The following SPIRE2 variants were observed in gnomAD, a reference collection of about 807,000 sequenced individuals.
SPIRE2 encodes the protein protein spire homolog 2.
A neutral mutation model predicts 80.7 loss-of-function variants in SPIRE2; 76 were observed. The observed-to-expected ratio is 0.94, with a 90% CI of 0.78 to 1.14. SPIRE2 has a LOEUF of 1.14. Among genes scored for constraint, SPIRE2 ranks in the 50% most tolerant of loss-of-function variants. The pLI, the probability that SPIRE2 is intolerant of heterozygous loss-of-function variation, is 0.00. For missense variants in SPIRE2, 1,196 were observed against 1,015.3 expected (o/e 1.18, Z -2.42); for synonymous variants, 535 against 432.6 (o/e 1.24, Z -2.94).
chr16:89,841,299 G>A (rs1567670739), intron 1 of SPIRE2, among the ~76,000 whole-genome samples: 3 of 152,198 alleles, frequency 2.0e-5, no homozygotes, highest in Admixed American at 1.3e-4. Context: ...GAAACGAGGG[G>A]TCCTGGTTCT....
rs766539766 is a variant in SPIRE2 at position 89,858,327 on chromosome 16, C to T, written c.1103-11C>T. The T allele has an allele frequency of 2.0e-5, 31 of 1,573,358 alleles. No individual in the cohort carries two copies. Among genetic ancestry groups the T allele is most frequent in the Middle Eastern group, 1.8e-4 (1 of 5,672 alleles). ...CACTGGCCCGTCCTGCCTCGGCTCCCGTCTCCCCAGGGTTTGGCTCTCTGC... is the reference window on the plus strand; with the variant it reads ...CACTGGCCCGTCCTGCCTCGGCTCCTGTCTCCCCAGGGTTTGGCTCTCTGC... On this transcript the variant is annotated splice_polypyrimidine_tract_variant and intron_variant, in intron 7 of 14. Coordinates refer to ENST00000378247, the MANE Select transcript of SPIRE2 (RefSeq NM_032451.2).
At chr16:89,869,995 G>C in intron 14 of SPIRE2, 55 bp from the exon 15 acceptor site, 1 of 1,486,876 alleles carries the variant, frequency 6.7e-7, no homozygotes, top group South Asian at 1.2e-5. Flanking sequence ...AGCAGGGAGG[G>C]GGGTGTGGCA....
chr16:89,855,520 G>C, intron 5 of SPIRE2, 80 bp from the exon 6 acceptor site: 4 of 1,291,832 alleles, frequency 3.1e-6, no homozygotes, highest in Non-Finnish European at 4.4e-6. Flanking sequence ...GGCTGTCCTT[G>C]GGCTGAGCAG....
At chr16:89,853,942 G>A (rs933338705) in intron 3 of SPIRE2, among the ~76,000 whole-genome samples, 6 of 152,226 alleles carry the variant, frequency 3.9e-5, no homozygotes, top group South Asian at 2.1e-4. Context: ...GCCACACTGC[G>A]CTGAGCCCCA....
chr16:89,869,029 C>CT (rs1479797153), intron 13 of SPIRE2, among the ~76,000 whole-genome samples: 2 of 15,734 alleles, frequency 1.3e-4, no homozygotes, highest in African/African-American at 6.2e-4. Context: ...AGATCTGTGT[C>CT]TTAAAAAAAA....
intron 1 of SPIRE2, among the ~76,000 whole-genome samples, 185 bp from the exon 2 acceptor site, chr16:89,845,137 C>T (rs1262737641): frequency 6.6e-6 from 1 of 152,196 alleles, no homozygotes; most frequent in Non-Finnish European, 1.5e-5. Flanking sequence ...TTAGAGCCAG[C>T]TCGAGCCGGG....
chr16:89,866,672 A>G (rs528994056), intron 12 of SPIRE2, among the ~76,000 whole-genome samples: 136 of 142,814 alleles, frequency 9.5e-4, no homozygotes, highest in African/African-American at 3.4e-3. Flanking sequence ...GCAGTGGCAC[A>G]ATCTCGGCTC....
chr16:89,869,498 C>T (rs1314663388), intron 13 of SPIRE2, 69 bp from the exon 14 acceptor site: 4 of 1,074,646 alleles, frequency 3.7e-6, no homozygotes, highest in South Asian at 1.3e-5. Flanking sequence ...GAGGGAGGTC[C>T]CCTAGCACTG....
Position 89,854,598 on chromosome 16 carries a change from G to C in SPIRE2, c.838G>C (p.Glu280Gln). The C allele has an allele frequency of 2.5e-6, 4 of 1,604,884 alleles. No individual in the cohort carries two copies. The highest frequency in any genetic ancestry group is 3.4e-6 in the Non-Finnish European group (4 of 1,175,264). ...LPTEFQLTPFEMLMQDIRARN... is the reference protein window; with the variant it reads ...LPTEFQLTPFQMLMQDIRARN... Reference sequence around the variant, plus strand: ...CACCGAGTTCCAGCTCACGCCCTTCGAGATGCTGATGCAGGACATCCGGGC... The same window carrying C: ...CACCGAGTTCCAGCTCACGCCCTTCCAGATGCTGATGCAGGACATCCGGGC... The change falls in exon 5 of 15, where the codon GAG becomes CAG. Residue 280 changes from glutamate to glutamine, a missense_variant. Coordinates refer to ENST00000378247, the MANE Select transcript of SPIRE2 (RefSeq NM_032451.2).
At chr16:89,830,518 G>C (rs2041369109) in intron 1 of SPIRE2, among the ~76,000 whole-genome samples, 1 of 151,184 alleles carries the variant, frequency 6.6e-6, no homozygotes, top group Non-Finnish European at 1.5e-5. Flanking sequence ...TCTCCTCAAA[G>C]GTGGCTAACC....
chr16:89,839,942 C>G (rs943708169), intron 1 of SPIRE2, among the ~76,000 whole-genome samples: 1 of 152,226 alleles, frequency 6.6e-6, no homozygotes, highest in African/African-American at 2.4e-5. Context: ...ACTTGTTATT[C>G]GAGGTAACGC....
At chr16:89,833,325 A>G (rs181295613) in intron 1 of SPIRE2, among the ~76,000 whole-genome samples, 40 of 151,680 alleles carry the variant, frequency 2.6e-4, no homozygotes, top group African/African-American at 9.4e-4. Flanking sequence ...GGGTTTCACC[A>G]TGTTGGCCAG....
intron 1 of SPIRE2, 44 bp from the exon 2 acceptor site, chr16:89,845,278 C>T: frequency 1.3e-6 from 2 of 1,596,118 alleles, no homozygotes; most frequent in East Asian, 2.2e-5. Flanking sequence ...TTATTGGGGT[C>T]CCGGGGATGC....
intron 1 of SPIRE2, among the ~76,000 whole-genome samples, chr16:89,838,284 G>C (rs1226947431): frequency 1.3e-5 from 2 of 149,346 alleles, no homozygotes; most frequent in African/African-American, 4.9e-5. Context: ...CTAGGTTCTT[G>C]CCATTCTCCT....
chr16:89,853,930 G>C (rs116716123), intron 3 of SPIRE2, among the ~76,000 whole-genome samples: 56 of 152,374 alleles, frequency 3.7e-4, no homozygotes, highest in African/African-American at 1.3e-3. Context: ...AGACTGGCCT[G>C]TGCCACACTG....
At chr16:89,857,849 C>T (rs190049875) in intron 7 of SPIRE2, among the ~76,000 whole-genome samples, 3,408 of 148,288 alleles carry the variant, frequency 0.023, 58 homozygotes, top group Non-Finnish European at 0.036. Context: ...GGATTACAGG[C>T]GTGAGCCACC....
intron 3 of SPIRE2, among the ~76,000 whole-genome samples, chr16:89,851,862 T>A (rs1368729137): frequency 2.0e-5 from 3 of 152,096 alleles, no homozygotes; most frequent in Non-Finnish European, 2.9e-5. Flanking sequence ...TGACCCTTTA[T>A]GGTGCTGTGT....
intron 6 of SPIRE2, 191 bp downstream of exon 6, chr16:89,855,877 C>G: frequency 1.1e-6 from 1 of 921,522 alleles, no homozygotes; most frequent in Non-Finnish European, 1.6e-6. Context: ...GGCCCTGGGC[C>G]CTTTTTCTGG....
chr16:89,846,341 A>C (rs1405620615), intron 2 of SPIRE2: 1 of 129,382 alleles, frequency 7.7e-6, no homozygotes. Context: ...TTTTTTTTTG[A>C]GATAGAATCT....
Sources: allele counts gnomAD v4.1 joint callset (sites outside exome capture counted in the v4.1 genomes callset), GRCh38; gene constraint gnomAD v4.1.1; transcripts MANE v1.5; gene names NCBI Gene and HGNC (gene_info 2026-07-23, HGNC 2026-07-21).